Variants in ARMH3 observed in about 807,000 individuals in gnomAD.
ARMH3 encodes the protein armadillo-like helical domain-containing protein 3.
In ARMH3, 60 loss-of-function variants were observed where a neutral mutation model predicts 99.1. That is an observed-to-expected ratio of 0.61 (90% CI 0.49 to 0.75). The LOEUF (loss-of-function observed/expected upper bound fraction) is 0.75, where lower values mean the gene tolerates loss of function less well. Ranked by LOEUF, ARMH3 falls within the 30% of genes least tolerant of loss-of-function variation. The pLI is 0.00. For missense variants in ARMH3, 679 were observed against 843.1 expected, an observed-to-expected ratio of 0.81 and a Z score of 2.41; for synonymous variants, 285 against 292.8, an observed-to-expected ratio of 0.97 and a Z score of 0.27.
At chr10:101,878,476 T>C (rs1347638155) in intron 24 of ARMH3, among the ~76,000 whole-genome samples, 1 of 143,084 alleles carries the variant, frequency 7.0e-6, no homozygotes, top group Non-Finnish European at 1.5e-5. Flanking sequence ...CCCATCTCTA[T>C]CAAAAAAAAA....
At chr10:102,008,125 T>G (rs2066546745) in intron 13 of ARMH3, among the ~76,000 whole-genome samples, 1 of 152,198 alleles carries the variant, frequency 6.6e-6, no homozygotes, top group African/African-American at 2.4e-5. Flanking sequence ...GTTATAGGAT[T>G]TGGAGAGCAG....
rs561163441 is a variant in ARMH3, at chr10:101,911,112, G to C, written c.1782-21622C>G. Among the ~76,000 whole-genome samples the C allele has an allele frequency of 4.6e-5, 7 of 151,830 alleles. No individual in the cohort carries two copies. In the East Asian group the frequency reaches 1.2e-3, roughly 25 times the overall value. On this transcript the variant is annotated intron_variant, in intron 23 of 25. Transcript: ENST00000370033. ...GCCAAGATCATGCCACTGCACTCCA[G>C]CCTGGGTGACAGAGTGAGATTCCGT...
intron 20 of ARMH3, among the ~76,000 whole-genome samples, chr10:101,967,789 ATC>A (rs1251518761): frequency 6.6e-6 from 1 of 152,158 alleles, no homozygotes; most frequent in East Asian, 1.9e-4. Context: ...GAATACAGGC[ATC>A]TGTCTGGATG....
intron 5 of ARMH3, among the ~76,000 whole-genome samples, chr10:102,026,790 G>T (rs2067010212): frequency 6.6e-6 from 1 of 152,200 alleles, no homozygotes; most frequent in African/African-American, 2.4e-5. Context: ...GTACACACTA[G>T]CGTAAGATAT....
In ARMH3 at chr10:101,978,927, G is replaced by A. The variant is rs1271738856; in HGVS notation, c.1407-3627C>T. On this transcript the variant is annotated intron_variant, in intron 19 of 25. Transcript: ENST00000370033. ...TGCACTCCAGCCTGGGCAACAAAGC[G>A]AGACACCATCTCAAAAAATAAAATT... Among the ~76,000 whole-genome samples, 4 of 151,564 alleles carry A rather than the reference G, an allele frequency of 2.6e-5. No homozygotes were observed. The South Asian group carries it at 6.2e-4, about 24-fold the overall frequency.
chr10:101,996,966 A>G (rs17114333), intron 15 of ARMH3, among the ~76,000 whole-genome samples: 1,885 of 152,264 alleles, frequency 0.012, 49 homozygotes, highest in East Asian at 0.11. Flanking sequence ...AAGCAGGGGA[A>G]AACCCAAGGG....
chr10:101,880,870 G>A (rs1443271946), intron 24 of ARMH3, among the ~76,000 whole-genome samples: 1 of 152,102 alleles, frequency 6.6e-6, no homozygotes, highest in South Asian at 2.1e-4. Flanking sequence ...CTCCTCTTAT[G>A]AGTGCTTCGA....
At chr10:102,026,824 G>C (rs553695686) in intron 5 of ARMH3, among the ~76,000 whole-genome samples, 10 of 152,288 alleles carry the variant, frequency 6.6e-5, no homozygotes, top group African/African-American at 2.4e-4. Context: ...ACACAGTTGT[G>C]GTGTCAGTGT....
intron 13 of ARMH3, among the ~76,000 whole-genome samples, chr10:102,008,654 G>A (rs1411110019): frequency 2.6e-5 from 4 of 152,040 alleles, no homozygotes; most frequent in Non-Finnish European, 1.5e-5. Context: ...CTGGGTTCAC[G>A]TCATTCTCCT....
chr10:101,865,842 T>C (rs773903281), intron 24 of ARMH3, among the ~76,000 whole-genome samples: 1 of 152,112 alleles, frequency 6.6e-6, no homozygotes, highest in Non-Finnish European at 1.5e-5. Flanking sequence ...AGCTCAAGTG[T>C]GACTATCCAC....
At position 102,052,751 on chromosome 10, in the gene ARMH3, AT is replaced by A. The variant is rs540900638; in HGVS notation, c.-12+3333del. Among the ~76,000 whole-genome samples, 211 of 151,416 alleles carry A rather than the reference AT, an allele frequency of 1.4e-3. 1 individual carries two copies. The highest frequency in any genetic ancestry group is 4.5e-3 in the African/African-American group (186 of 41,266). On this transcript the variant is annotated intron_variant, in intron 1 of 25. Coordinates refer to ENST00000370033, the MANE Select transcript of ARMH3 (RefSeq NM_024541.3). Reference sequence around the variant, plus strand: ...TTCCTTATAGACAAATAAAATAAACATTTTTTTTTCCCCAAGACTTTTTTCA... The same window carrying A: ...TTCCTTATAGACAAATAAAATAAACATTTTTTTTCCCCAAGACTTTTTTCA...
chr10:101,955,799 C>T (rs1365360878), intron 22 of ARMH3, among the ~76,000 whole-genome samples: 1 of 152,182 alleles, frequency 6.6e-6, no homozygotes, highest in Non-Finnish European at 1.5e-5. Flanking sequence ...GGAAACTTTT[C>T]AGAGGTGACG....
At chr10:102,039,940 G>T in intron 2 of ARMH3, 73 bp downstream of exon 2, 1 of 1,392,606 alleles carries the variant, frequency 7.2e-7, no homozygotes. Flanking sequence ...AGCAGGCAGA[G>T]GTAAGGGTAT....
At chr10:101,993,931 T>C (rs531806531) in intron 16 of ARMH3, among the ~76,000 whole-genome samples, 2 of 152,340 alleles carry the variant, frequency 1.3e-5, no homozygotes, top group Admixed American at 1.3e-4. Context: ...CCCAAGGAGC[T>C]GGCTCTGTTT....
intron 24 of ARMH3, among the ~76,000 whole-genome samples, chr10:101,881,865 C>G (rs767697501): frequency 5.9e-5 from 9 of 152,174 alleles, no homozygotes; most frequent in Admixed American, 2.0e-4. Context: ...TATGCCTCTT[C>G]ATTTTATCCA....
chr10:101,941,770 G>C (rs1844250069), intron 22 of ARMH3, among the ~76,000 whole-genome samples: 1 of 152,166 alleles, frequency 6.6e-6, no homozygotes, highest in African/African-American at 2.4e-5. Context: ...ATTTATTCAT[G>C]TAATGAACAA....
intron 22 of ARMH3, among the ~76,000 whole-genome samples, chr10:101,940,876 C>A (rs1203505428): frequency 6.6e-6 from 1 of 152,120 alleles, no homozygotes; most frequent in Non-Finnish European, 1.5e-5. Context: ...GCCACACATG[C>A]CATTTTAGAA....
intron 23 of ARMH3, among the ~76,000 whole-genome samples, chr10:101,893,031 G>C (rs2067731320): frequency 6.6e-6 from 1 of 152,220 alleles, no homozygotes; most frequent in African/African-American, 2.4e-5. Flanking sequence ...CTCAATCAGA[G>C]AGCAAGGCTC....
chr10:101,897,635 G>A (rs191297347), intron 23 of ARMH3, among the ~76,000 whole-genome samples: 3 of 152,148 alleles, frequency 2.0e-5, no homozygotes, highest in Admixed American at 6.6e-5. Flanking sequence ...AGGTGTGGGG[G>A]AATGTGTTTT....
Sources: allele counts gnomAD v4.1 joint callset (sites outside exome capture counted in the v4.1 genomes callset), GRCh38; gene constraint gnomAD v4.1.1; transcripts MANE v1.5; gene names NCBI Gene and HGNC (gene_info 2026-07-23, HGNC 2026-07-21).